Variants in DPYSL4 observed in about 807,000 individuals in gnomAD.
The protein encoded by DPYSL4 is dihydropyrimidinase like 4, also known as dihydropyrimidinase-related protein 4.
DPYSL4 carries 43 observed loss-of-function variants against 63.4 expected under a neutral mutation model. The ratio of observed to expected loss-of-function variants is 0.68; its 90% CI spans 0.53 to 0.88. DPYSL4 has a LOEUF of 0.88. Ranked by LOEUF, DPYSL4 falls within the 40% of genes least tolerant of loss-of-function variation. The pLI is 0.00. For synonymous variants in DPYSL4, 353 were observed against 331.7 expected (o/e 1.06, Z -0.70); for missense variants, 733 against 819.5 (o/e 0.89, Z 1.29).
chr10:132,198,853 G>A lies in DPYSL4; in HGVS notation c.693G>A (p.Val231=), dbSNP rs751427751. The A allele has an allele frequency of 3.1e-6, 5 of 1,612,876 alleles. No homozygotes were observed. The highest frequency in any genetic ancestry group is 4.2e-6 in the Non-Finnish European group (5 of 1,179,874). The change falls in exon 8 of 14, where the codon GTG becomes GTA. Residue 231 remains valine, a splice_region_variant and synonymous_variant. Transcript: ENST00000338492. ...CATCCCTCTCATCTCGTCCCCAGGT[G>A]GAGGCTGAGGCGGTGTACCGAGCTG... ...EGHVLSHPEE[V]EAEAVYRAVT...
At chr10:132,195,038 G>T in intron 4 of DPYSL4, 29 bp downstream of exon 4, 1 of 1,589,264 alleles carries the variant, frequency 6.3e-7, no homozygotes. Context: ...GCTGGAGGGC[G>T]GGCATGGAGC....
intron 10 of DPYSL4, 49 bp from the exon 11 acceptor site, chr10:132,201,897 T>G: frequency 6.4e-7 from 1 of 1,572,766 alleles, no homozygotes; most frequent in Non-Finnish European, 8.6e-7. Flanking sequence ...CGCGCAAGCC[T>G]CACCCCAACC....
At chr10:132,201,676 G>C (rs1263236327) in intron 10 of DPYSL4, among the ~76,000 whole-genome samples, 1 of 152,246 alleles carries the variant, frequency 6.6e-6, no homozygotes, top group East Asian at 1.9e-4. Context: ...TCCTGATCTT[G>C]GCTGCCTGGG....
chr10:132,187,340 G>A (rs59134702), intron 1 of DPYSL4, among the ~76,000 whole-genome samples: 2 of 28,316 alleles, frequency 7.1e-5, no homozygotes, highest in African/African-American at 1.2e-4. Flanking sequence ...GGCCCGGCCC[G>A]GCCCTGCCCG....
chr10:132,200,724 C>T (rs1590103483), intron 9 of DPYSL4, 118 bp from the exon 10 acceptor site: 4 of 1,414,084 alleles, frequency 2.8e-6, no homozygotes, highest in Non-Finnish European at 2.8e-6. Context: ...CTCTGCCCAG[C>T]GAGAGCCACT....
rs1379193981 is a variant in DPYSL4 at position 132,204,077 on chromosome 10, G to GCCCC, written c.1627+150_1627+151insCCCC. ...GGCAGGAGATGCTGCTGGGGGTGTT[G>GCCCC]TGGGGGCCAAGGGCTGAGCCCAGTT... On this transcript the variant is annotated intron_variant, in intron 13 of 13. Transcript: ENST00000338492. 3.4e-3 allele frequency: 3,744 copies of GCCCC among 1,100,104 alleles called. 102 individuals are homozygous for GCCCC. In the African/African-American group the frequency reaches 0.052, roughly 15 times the overall value. 68.1% of individuals were successfully genotyped at this position (1,100,104 alleles called of 1,614,324 possible). A position where few individuals can be genotyped will look rare whatever the true frequency, so the allele number is the denominator to read the frequency against.
In DPYSL4 at chr10:132,202,715, C is replaced by T. The variant is rs2062035735; in HGVS notation, c.1351C>T (p.Arg451Ter). 1.7e-5 allele frequency: 27 copies of T among 1,613,428 alleles called. No homozygotes were observed. The highest frequency in any genetic ancestry group is 2.2e-5 in the Non-Finnish European group (26 of 1,179,984). The change falls in exon 12 of 14, where the codon CGA (arginine) becomes TGA (stop). Residue 451 changes from arginine (R) to a stop codon, truncating the protein, a stop_gained. Coordinates refer to ENST00000338492, the MANE Select transcript of DPYSL4 (RefSeq NM_006426.3). LOFTEE classifies it high-confidence loss of function. ...GCCTGCCGTGGTCATAAGTCAGGGC[C>T]GAGTGGCGCTGGAGGACGGGAAGAT... ...GAPAVVISQG[R>*]VALEDGKMFV... is the part of the protein sequence containing the mutation.
chr10:132,200,810 G>A (rs1221566287), intron 9 of DPYSL4, 32 bp from the exon 10 acceptor site: 2 of 1,605,890 alleles, frequency 1.2e-6, no homozygotes. Context: ...GCTCAGGAAG[G>A]CCAGGACCCT....
chr10:132,201,818 C>A, intron 10 of DPYSL4, 128 bp from the exon 11 acceptor site: 1 of 1,033,398 alleles, frequency 9.7e-7, no homozygotes, highest in Non-Finnish European at 1.4e-6. Flanking sequence ...GGTCCAGCGT[C>A]TGTCCTCACG....
rs1482748156 is a variant in DPYSL4 at position 132,205,569 on chromosome 10, G to A, written c.*639G>A. On this transcript the variant is annotated 3_prime_UTR_variant, in exon 14 of 14. Transcript: ENST00000338492. ...AGCTTCCATGTAGCCCTCATCCAGG[G>A]AAGTTTTGCGATCCTTTAGGAAGAC... is the stretch of plus-strand genomic sequence containing the variant. 1.3e-5 allele frequency: 2 copies of A among 152,548 alleles called. No homozygotes were observed. The highest frequency in any genetic ancestry group is 2.4e-5 in the African/African-American group (1 of 41,468). The allele number at this position is 152,548 out of a possible 1,614,324, so 9.4% of individuals were successfully genotyped here. A position where few individuals can be genotyped will look rare whatever the true frequency, so the allele number is the denominator to read the frequency against.
At chr10:132,192,232 G>C (rs967994300) in intron 2 of DPYSL4, 1 of 830,722 alleles carries the variant, frequency 1.2e-6, no homozygotes, top group African/African-American at 1.9e-5. Context: ...ATGTTGGGTG[G>C]CTGTGGGCGA....
chr10:132,195,644 C>A (rs60522891), intron 4 of DPYSL4, among the ~76,000 whole-genome samples: 1,861 of 152,306 alleles, frequency 0.012, 43 homozygotes, highest in African/African-American at 0.041. Flanking sequence ...GAGGCAGGGG[C>A]ATTTCTTCAA....
intron 6 of DPYSL4, among the ~76,000 whole-genome samples, chr10:132,197,363 C>T (rs2061959535): frequency 6.6e-6 from 1 of 152,222 alleles, no homozygotes; most frequent in South Asian, 2.1e-4. Flanking sequence ...CAAAATACCT[C>T]AAAAGCAAAG....
intron 2 of DPYSL4, 97 bp downstream of exon 2, chr10:132,190,932 T>G: frequency 8.0e-7 from 1 of 1,245,092 alleles, no homozygotes; most frequent in South Asian, 1.3e-5. Context: ...CCAGCTCGTG[T>G]GTACACGCTG....
chr10:132,192,816 C>T lies in DPYSL4; in HGVS notation c.287C>T (p.Ala96Val), dbSNP rs1390249466. The T allele has an allele frequency of 4.3e-6, 7 of 1,611,642 alleles. No individual in the cohort carries two copies. Among genetic ancestry groups the T allele is most frequent in the Non-Finnish European group, 5.9e-6 (7 of 1,179,290 alleles). ...ADDFCQGTKA[A>V]LAGGTTMILD... is the part of the protein sequence containing the mutation. ...GACTTCTGTCAGGGCACCAAGGCAG[C>T]GCTAGCAGGAGGAACCACCATGATC... Residue 96 changes from alanine to valine, a missense_variant, in exon 3 of 14, where the codon GCG becomes GTG. Coordinates refer to ENST00000338492, the MANE Select transcript of DPYSL4 (RefSeq NM_006426.3).
intron 1 of DPYSL4, among the ~76,000 whole-genome samples, chr10:132,187,352 C>T (rs1249741939): frequency 1.9e-3 from 53 of 28,542 alleles, no homozygotes; most frequent in Non-Finnish European, 3.3e-3. Context: ...CCCTGCCCGG[C>T]CCTGCCGGGC....
chr10:132,199,628 C>T (rs1209060477), intron 8 of DPYSL4, among the ~76,000 whole-genome samples: 1 of 146,142 alleles, frequency 6.8e-6, no homozygotes, highest in Non-Finnish European at 1.5e-5. Flanking sequence ...CGCACTGAGT[C>T]CTGAGAGACC....
Position 132,203,781 on chromosome 10 carries a change from T to G in DPYSL4, c.1481T>G (p.Val494Gly). The G allele has an allele frequency of 6.2e-7, 1 of 1,608,090 alleles. No individual in the cohort carries two copies. Among genetic ancestry groups the G allele is most frequent in the Non-Finnish European group, 8.5e-7 (1 of 1,176,514 alleles). Residue 494 changes from valine (V) to glycine (G), a missense_variant, in exon 13 of 14, where the codon GTG (valine) becomes GGG (glycine). Physicochemically the swap from Val to Gly is moderately radical, Grantham distance 109. Transcript: ENST00000338492. ...ARNRLAEIHG[V>G]PRGLYDGPVH... The stretch of plus-strand genomic sequence containing the variant: ...CGGCAGCTGGCGGAGATCCACGGTG[T>G]GCCCCGTGGACTGTATGACGGGCCC...
intron 1 of DPYSL4, among the ~76,000 whole-genome samples, chr10:132,189,548 G>A (rs2061847121): frequency 6.6e-6 from 1 of 152,154 alleles, no homozygotes; most frequent in Non-Finnish European, 1.5e-5. Flanking sequence ...CCAGCCTGAC[G>A]CTCTGTGTCC....
Sources: gnomAD v4.1 joint callset for allele counts (sites outside exome capture counted in the v4.1 genomes callset) on GRCh38, gnomAD v4.1.1 for gene constraint, MANE v1.5 for transcripts, NCBI Gene and HGNC (gene_info 2026-07-23, HGNC 2026-07-21) for gene names.